The following EYS variants were observed in gnomAD, a reference collection of about 807,000 sequenced individuals.
EYS encodes the protein protein eyes shut homolog.
EYS carries 250 observed loss-of-function variants against 282.1 expected under a neutral mutation model. That is an observed-to-expected ratio of 0.89 (90% CI 0.80 to 0.98). EYS has a LOEUF of 0.98. EYS is among the 50% of genes least tolerant of loss of function. EYS has a pLI of 0.00. For synonymous variants in EYS, 1,355 were observed against 1,282.9 expected (o/e 1.06, Z -1.20); for missense variants, 4,016 against 3,709.0 (o/e 1.08, Z -2.15).
chr6:63,895,288 T>C (rs1385002519), intron 35 of EYS, among the ~76,000 whole-genome samples: 1 of 152,220 alleles, frequency 6.6e-6, no homozygotes, highest in Non-Finnish European at 1.5e-5. Context: ...TGTATCCAAC[T>C]ACTATAATAT....
At chr6:64,790,352 C>T (rs12189691) in intron 22 of EYS, among the ~76,000 whole-genome samples, 9,821 of 151,732 alleles carry the variant, frequency 0.065, 387 homozygotes, top group Non-Finnish European at 0.096. Context: ...AGTTGAAAAA[C>T]AAATGAAGTA....
chr6:65,137,609 T>C (rs1243633194), intron 12 of EYS, among the ~76,000 whole-genome samples: 1 of 152,058 alleles, frequency 6.6e-6, no homozygotes, highest in Non-Finnish European at 1.5e-5. Flanking sequence ...AGGAAGCCAC[T>C]AAATTAGCTC....
At chr6:64,983,802 A>G (rs1326656235) in intron 14 of EYS, among the ~76,000 whole-genome samples, 1 of 151,254 alleles carries the variant, frequency 6.6e-6, no homozygotes. Context: ...ATGGTGAGAT[A>G]ATCTCCTGTA....
chr6:65,466,789 G>A (rs1338710320), intron 5 of EYS, among the ~76,000 whole-genome samples: 1 of 152,116 alleles, frequency 6.6e-6, no homozygotes, highest in Non-Finnish European at 1.5e-5. Context: ...CCATCCAGAA[G>A]AGAAGGAACA....
At chr6:64,243,649 G>T (rs938289009) in intron 30 of EYS, among the ~76,000 whole-genome samples, 4 of 152,180 alleles carry the variant, frequency 2.6e-5, no homozygotes, top group African/African-American at 4.8e-5. Flanking sequence ...CTTGTGCCTA[G>T]AAAAGTAGAA....
At chr6:64,821,430 C>A (rs1764895140) in intron 21 of EYS, among the ~76,000 whole-genome samples, 1 of 151,028 alleles carries the variant, frequency 6.6e-6, no homozygotes, top group South Asian at 2.1e-4. Context: ...AATTTTCTAA[C>A]AACAAGAGAC....
At chr6:64,055,419 T>C (rs1340988178) in intron 33 of EYS, among the ~76,000 whole-genome samples, 1 of 152,096 alleles carries the variant, frequency 6.6e-6, no homozygotes, top group Non-Finnish European at 1.5e-5. Flanking sequence ...AAAATGAGTG[T>C]TATTATCTTT....
intron 31 of EYS, among the ~76,000 whole-genome samples, chr6:64,181,747 AT>A (rs1178998707): frequency 6.6e-6 from 1 of 152,146 alleles, no homozygotes; most frequent in Non-Finnish European, 1.5e-5. Flanking sequence ...TAAAAAAGCA[AT>A]TACTTGTCAC....
At chr6:64,500,136 C>A (rs1308354878) in intron 26 of EYS, among the ~76,000 whole-genome samples, 1 of 151,784 alleles carries the variant, frequency 6.6e-6, no homozygotes, top group African/African-American at 2.4e-5. Context: ...TCATTTTTTT[C>A]AGATTCCCTC....
chr6:64,813,107 T>C (rs758484374), intron 22 of EYS, among the ~76,000 whole-genome samples: 2 of 149,988 alleles, frequency 1.3e-5, no homozygotes, highest in Non-Finnish European at 3.0e-5. Context: ...AAACCCACTT[T>C]GAGAAAGGAG....
At chr6:65,539,433 TG>T (rs1219101971) in intron 2 of EYS, among the ~76,000 whole-genome samples, 10 of 152,274 alleles carry the variant, frequency 6.6e-5, no homozygotes, top group African/African-American at 2.4e-4. Flanking sequence ...GAGAAAGCTA[TG>T]ATATACAATA....
chr6:63,924,883 G>A (rs937484159), intron 35 of EYS, among the ~76,000 whole-genome samples: 8 of 152,154 alleles, frequency 5.3e-5, no homozygotes, highest in African/African-American at 1.7e-4. Flanking sequence ...AGAGGTTTGG[G>A]ATCATCACTA....
At chr6:64,046,142 T>A (rs1770617246) in intron 33 of EYS, among the ~76,000 whole-genome samples, 1 of 149,716 alleles carries the variant, frequency 6.7e-6, no homozygotes, top group African/African-American at 2.4e-5. Context: ...AGAAATATAT[T>A]TTACATATAT....
rs564533277 is a variant in EYS, at chr6:64,626,071, C to T, written c.3568+50G>A. 2.6e-4 allele frequency: 273 copies of T among 1,054,624 alleles called. 3 individuals are homozygous for T. Among genetic ancestry groups the T allele is most frequent in the South Asian group, 1.7e-3 (110 of 64,858 alleles). The allele number at this position is 1,054,624 out of a possible 1,614,324, so 65.3% of individuals were successfully genotyped here. ...ACATGTCCATATACATTTACATAAA[C>T]GTATATATTATTATATATGCAGTAT... On this transcript the variant is annotated intron_variant, in intron 23 of 42. Coordinates refer to ENST00000503581, the MANE Select transcript of EYS (RefSeq NM_001142800.2).
intron 5 of EYS, among the ~76,000 whole-genome samples, chr6:65,438,060 A>G (rs1348537277): frequency 2.3e-5 from 3 of 133,200 alleles, no homozygotes; most frequent in Admixed American, 9.2e-5. Context: ...CCTGTGTCCA[A>G]GTGTTCTTAT....
intron 7 of EYS, among the ~76,000 whole-genome samples, chr6:65,391,635 G>A (rs1445764079): frequency 6.6e-6 from 1 of 151,996 alleles, no homozygotes; most frequent in Non-Finnish European, 1.5e-5. Context: ...ACCTCTTCAA[G>A]GAGAACTACA....
intron 12 of EYS, among the ~76,000 whole-genome samples, chr6:65,271,128 T>TTATATATA (rs70999188): frequency 0.018 from 1,023 of 55,758 alleles, 75 homozygotes; most frequent in African/African-American, 0.045. Context: ...AATCAATAGA[T>TTATATATA]TATATATATA....
At chr6:64,394,847 T>C (rs145656277) in intron 28 of EYS, among the ~76,000 whole-genome samples, 4 of 152,172 alleles carry the variant, frequency 2.6e-5, no homozygotes, top group South Asian at 2.1e-4. Context: ...AACAGGCAAC[T>C]GACAAAATGG....
intron 33 of EYS, among the ~76,000 whole-genome samples, chr6:64,013,384 A>G (rs147161329): frequency 5.9e-4 from 90 of 152,332 alleles, no homozygotes; most frequent in African/African-American, 2.0e-3. Context: ...CGGTAAAAGC[A>G]TTCATATAAT....
Sources: allele counts gnomAD v4.1 joint callset (sites outside exome capture counted in the v4.1 genomes callset), GRCh38; gene constraint gnomAD v4.1.1; transcripts MANE v1.5; gene names NCBI Gene and HGNC (gene_info 2026-07-23, HGNC 2026-07-21).